The following ABCD3 variants were observed in gnomAD, a reference collection of about 807,000 sequenced individuals.
ABCD3 encodes the protein ATP binding cassette subfamily D member 3.
Under a neutral mutation model 105.5 loss-of-function variants are expected in ABCD3, and 41 were observed. That is an observed-to-expected ratio of 0.39 (90% CI 0.30 to 0.50). ABCD3 has a LOEUF of 0.50. ABCD3 is among the 20% of genes least tolerant of loss of function. The pLI is 0.84. For missense variants in ABCD3, 622 were observed against 806.3 expected (o/e 0.77, Z 2.77); for synonymous variants, 258 against 269.0 (o/e 0.96, Z 0.40).
At chr1:94,386,393 CA>C in the ABCD3 span, among the ~76,000 whole-genome samples, 1 of 152,224 alleles carries the variant, frequency 6.6e-6, no homozygotes, top group Non-Finnish European at 1.5e-5. Context: ...AAGCAAGTGT[CA>C]AATTACTAAG....
At chr1:94,487,146 A>G (rs1649314474) in intron 10 of ABCD3, among the ~76,000 whole-genome samples, 1 of 152,174 alleles carries the variant, frequency 6.6e-6, no homozygotes, top group Non-Finnish European at 1.5e-5. Flanking sequence ...ATTCAGTGCC[A>G]ATCCGGACAG....
intron 13 of ABCD3, among the ~76,000 whole-genome samples, chr1:94,489,115 T>C (rs1456206289): frequency 6.6e-6 from 1 of 152,070 alleles, no homozygotes; most frequent in Admixed American, 6.6e-5. Context: ...GCAGAATACT[T>C]TCTCTTTGGC....
At chr1:94,458,565 T>A (rs780161194) in intron 1 of ABCD3, 42 bp from the exon 2 acceptor site, 1 of 1,567,174 alleles carries the variant, frequency 6.4e-7, no homozygotes, top group Non-Finnish European at 8.8e-7. Context: ...ATAACACTTT[T>A]CACATAAAGT....
chr1:94,420,100 T>C (rs1462950027), intron 1 of ABCD3, among the ~76,000 whole-genome samples: 2 of 152,232 alleles, frequency 1.3e-5, no homozygotes, highest in African/African-American at 4.8e-5. Flanking sequence ...TCTGGATTAC[T>C]TTTATGATTA....
chr1:94,410,006 A>G, the ABCD3 span, among the ~76,000 whole-genome samples: 1 of 152,144 alleles, frequency 6.6e-6, no homozygotes, highest in African/African-American at 2.4e-5. Context: ...ATACAGATGG[A>G]CTCCATATAC....
chr1:94,413,290 T>C, the ABCD3 span, among the ~76,000 whole-genome samples: 7 of 151,586 alleles, frequency 4.6e-5, no homozygotes, highest in Non-Finnish European at 1.0e-4. Flanking sequence ...ATGTATTCAA[T>C]TTTTTTTTCA....
chr1:94,427,873 A>G (rs1395320588), intron 1 of ABCD3, among the ~76,000 whole-genome samples: 2 of 152,330 alleles, frequency 1.3e-5, no homozygotes, highest in East Asian at 3.9e-4. Context: ...TTGCTTAAAA[A>G]CATGGCTTTC....
intron 1 of ABCD3, among the ~76,000 whole-genome samples, chr1:94,443,676 G>A (rs1057515215): frequency 4.6e-5 from 7 of 152,158 alleles, no homozygotes; most frequent in Non-Finnish European, 1.0e-4. Flanking sequence ...GTGAGAGGTA[G>A]GGGTCCAGTT....
chr1:94,406,335 GTTTTGTT>G, the ABCD3 span: 54 of 179,256 alleles, frequency 3.0e-4, no homozygotes, highest in African/African-American at 1.6e-3. Context: ...ATAGTATTTT[GTTTTGTT>G]TTTTTTTTTT....
chr1:94,487,435 G>A lies in ABCD3; in HGVS notation c.898-107G>A, dbSNP rs1649328074. 4.0e-6 allele frequency: 4 copies of A among 988,460 alleles called. 1 individual carries two copies. In the Admixed American group the frequency reaches 6.0e-5, roughly 15 times the overall value. 61.2% of individuals were successfully genotyped at this position (988,460 alleles called of 1,614,324 possible). A position where few individuals can be genotyped will look rare whatever the true frequency, so the allele number is the denominator to read the frequency against. On this transcript the variant is annotated intron_variant, in intron 10 of 22. Coordinates refer to ENST00000370214, the MANE Select transcript of ABCD3 (RefSeq NM_002858.4). ...TATAAACAGAAATCACGGGCACTCA[G>A]TAAATATTTGTTGAATAAATGAACT...
Position 94,475,565 on chromosome 1 carries a change from A to G in ABCD3, c.504-49A>G. The G allele has an allele frequency of 3.2e-6, 5 of 1,574,564 alleles. No individual in the cohort carries two copies. The South Asian group carries it at 5.6e-5, about 18-fold the overall frequency. On this transcript the variant is annotated intron_variant, in intron 6 of 22. Coordinates refer to ENST00000370214, the MANE Select transcript of ABCD3 (RefSeq NM_002858.4). ...AATATGATTTTTTTGTTGTTGTTTT[A>G]TCTTTAAAGTCACTTGTTTTAAAAT...
At chr1:94,440,967 T>A (rs577401043) in intron 1 of ABCD3, among the ~76,000 whole-genome samples, 2 of 152,200 alleles carry the variant, frequency 1.3e-5, no homozygotes, top group Non-Finnish European at 2.9e-5. Context: ...AAATGAGATC[T>A]ACATCTCATA....
the ABCD3 span, among the ~76,000 whole-genome samples, chr1:94,409,361 C>T: frequency 6.6e-6 from 1 of 152,058 alleles, no homozygotes; most frequent in Non-Finnish European, 1.5e-5. Flanking sequence ...TATATACCCA[C>T]AAAAGTTAAA....
intron 1 of ABCD3, among the ~76,000 whole-genome samples, chr1:94,457,287 A>G (rs993646965): frequency 6.6e-6 from 1 of 152,254 alleles, no homozygotes; most frequent in African/African-American, 2.4e-5. Flanking sequence ...CATATTTAAA[A>G]TATCGTATAA....
the ABCD3 span, among the ~76,000 whole-genome samples, chr1:94,389,507 C>G: frequency 2.0e-5 from 3 of 152,188 alleles, no homozygotes; most frequent in East Asian, 5.8e-4. Flanking sequence ...CTAGCCAGAC[C>G]CCTCCCTTTG....
intron 16 of ABCD3, among the ~76,000 whole-genome samples, chr1:94,493,696 A>G (rs1291641132): frequency 6.6e-6 from 1 of 152,194 alleles, no homozygotes; most frequent in Non-Finnish European, 1.5e-5. Flanking sequence ...ACCAACCCAA[A>G]TGTCCAACAA....
At position 94,506,573 on chromosome 1, in the gene ABCD3, C is replaced by G. The variant is rs913390094; in HGVS notation, c.1776C>G (p.Ala592=). ...TATTTTATCATAAACCCCAGTTTGC[C>G]ATTTTGGATGAATGCACAAGTGCAG... ...ARLFYHKPQF[A]ILDECTSAVS... Residue 592 remains alanine, a synonymous_variant, in exon 21 of 23, where the codon GCC becomes GCG. Coordinates refer to ENST00000370214, the MANE Select transcript of ABCD3 (RefSeq NM_002858.4). 3 of 1,612,926 alleles carry G rather than the reference C, an allele frequency of 1.9e-6. No individual in the cohort carries two copies. In the African/African-American group the frequency reaches 4.0e-5, roughly 22 times the overall value.
intron 4 of ABCD3, among the ~76,000 whole-genome samples, chr1:94,469,570 AT>A (rs1244645002): frequency 1.4e-5 from 2 of 142,802 alleles, no homozygotes; most frequent in African/African-American, 5.3e-5. Context: ...TCTTCTCAGT[AT>A]TGTAATATGG....
At chr1:94,409,406 G>A in the ABCD3 span, among the ~76,000 whole-genome samples, 1 of 151,982 alleles carries the variant, frequency 6.6e-6, no homozygotes, top group African/African-American at 2.4e-5. Flanking sequence ...TTTTTTAACT[G>A]TTTTGTATTT....
Sources: allele counts gnomAD v4.1 joint callset (sites outside exome capture counted in the v4.1 genomes callset), GRCh38; gene constraint gnomAD v4.1.1; transcripts MANE v1.5; gene names NCBI Gene and HGNC (gene_info 2026-07-23, HGNC 2026-07-21).